RNF217: variants seen among roughly 807,000 people sequenced by gnomAD.
The protein encoded by RNF217 is ring finger protein 217.
RNF217 carries 31 observed loss-of-function variants against 57.8 expected under a neutral mutation model. The observed-to-expected ratio is 0.54, with a 90% CI of 0.40 to 0.72. RNF217 has a LOEUF of 0.72. RNF217 is among the 30% of genes least tolerant of loss of function. The pLI, the probability that RNF217 is intolerant of heterozygous loss-of-function variation, is 0.00. For synonymous variants in RNF217, 313 were observed against 294.0 expected, an observed-to-expected ratio of 1.06 and a Z score of -0.66; for missense variants, 696 against 708.3, an observed-to-expected ratio of 0.98 and a Z score of 0.20.
intron 2 of RNF217, among the ~76,000 whole-genome samples, chr6:125,055,088 G>A (rs568111146): frequency 6.6e-6 from 1 of 152,080 alleles, no homozygotes; most frequent in African/African-American, 2.4e-5. Context: ...AATGAATGAG[G>A]CATCTTCAGA....
At chr6:124,993,217 T>C (rs532682693) in intron 1 of RNF217, among the ~76,000 whole-genome samples, 2 of 152,308 alleles carry the variant, frequency 1.3e-5, no homozygotes, top group African/African-American at 4.8e-5. Flanking sequence ...CCTGAGGTCT[T>C]GCCCCAAGAA....
At chr6:124,985,525 A>G (rs900703020) in intron 1 of RNF217, among the ~76,000 whole-genome samples, 1 of 152,298 alleles carries the variant, frequency 6.6e-6, no homozygotes, top group East Asian at 1.9e-4. Context: ...ATATATTAAT[A>G]AAGTAGAATA....
chr6:125,028,276 A>C (rs1183474675), intron 1 of RNF217, among the ~76,000 whole-genome samples: 1 of 152,134 alleles, frequency 6.6e-6, no homozygotes, highest in Non-Finnish European at 1.5e-5. Context: ...ATGTACTCCC[A>C]ACAATGCACA....
intron 1 of RNF217, among the ~76,000 whole-genome samples, chr6:125,027,776 G>A (rs1421014685): frequency 6.6e-6 from 1 of 152,152 alleles, no homozygotes; most frequent in Non-Finnish European, 1.5e-5. Flanking sequence ...CACCAAAAGT[G>A]TACAAAGGTT....
chr6:124,962,864 T>G lies in RNF217; in HGVS notation c.320T>G (p.Leu107Arg), dbSNP rs757314047. 1 of 1,597,778 alleles carries G rather than the reference T, an allele frequency of 6.3e-7. No homozygotes were observed. The highest frequency in any genetic ancestry group is 8.5e-7 in the Non-Finnish European group (1 of 1,179,576). Reference sequence around the variant, plus strand: ...CAGACCTTGCCACTGCAGTTGGAGCTGGAGGAGGAAGAGGAGGAAGCTGGG... The same window carrying G: ...CAGACCTTGCCACTGCAGTTGGAGCGGGAGGAGGAAGAGGAGGAAGCTGGG... ...NPQTLPLQLE[L>R]EEEEEEAGDR... The change falls in exon 1 of 6, where the codon CTG (leucine) becomes CGG (arginine). Residue 107 changes from leucine to arginine, a missense_variant. Leu to Arg is a moderately radical substitution (Grantham distance 102). Transcript: ENST00000521654. The surrounding 1 kb of genome is among the most constrained non-coding windows in gnomAD (Gnocchi z 4.6).
At chr6:125,079,626 CAAGTTAATACTT>C (rs1197148969) in intron 4 of RNF217, among the ~76,000 whole-genome samples, 5 of 151,990 alleles carry the variant, frequency 3.3e-5, no homozygotes, top group African/African-American at 1.2e-4. Flanking sequence ...AATGTTTTAT[CAAGTTAATACTT>C]AATATTGGAC....
At chr6:125,014,081 C>T (rs539288339) in intron 1 of RNF217, among the ~76,000 whole-genome samples, 1 of 152,296 alleles carries the variant, frequency 6.6e-6, no homozygotes, top group African/African-American at 2.4e-5. Flanking sequence ...CTAGTGTGTA[C>T]ACACATACAG....
intron 1 of RNF217, among the ~76,000 whole-genome samples, chr6:124,988,221 C>T (rs548857621): frequency 6.6e-6 from 1 of 152,148 alleles, no homozygotes; most frequent in Non-Finnish European, 1.5e-5. Context: ...TCACCCCTGA[C>T]CCCCATCCAT....
At chr6:125,002,946 A>T (rs980251335) in intron 1 of RNF217, among the ~76,000 whole-genome samples, 3 of 152,188 alleles carry the variant, frequency 2.0e-5, no homozygotes. Context: ...AGCAACCAGG[A>T]TGCTATGGAG....
intron 1 of RNF217, among the ~76,000 whole-genome samples, chr6:124,965,402 C>T (rs1042169329): frequency 2.4e-4 from 37 of 151,932 alleles, no homozygotes; most frequent in Admixed American, 2.0e-4. Context: ...GGTGAAACCC[C>T]GTCTCTACTA....
chr6:125,055,726 T>C (rs1787495224), intron 2 of RNF217, among the ~76,000 whole-genome samples: 1 of 152,196 alleles, frequency 6.6e-6, no homozygotes, highest in Non-Finnish European at 1.5e-5. Context: ...GACTTAATGT[T>C]AGATGCATAA....
chr6:124,973,718 A>T lies in RNF217; in HGVS notation c.882+10292A>T, dbSNP rs187556299. On this transcript the variant is annotated intron_variant, in intron 1 of 5. Transcript: ENST00000521654. ...GTGAACTACTGTGGCCTGAGTCTTT[A>T]TGCTAGCATCCCATCTATCACTGAG... Among the ~76,000 whole-genome samples, 694 of 151,880 alleles carry T rather than the reference A, an allele frequency of 4.6e-3. 1 individual carries two copies. Among genetic ancestry groups the T allele is most frequent in the Non-Finnish European group, 7.0e-3 (476 of 68,028 alleles).
chr6:125,023,254 C>T (rs181488977), intron 1 of RNF217, among the ~76,000 whole-genome samples: 139 of 152,138 alleles, frequency 9.1e-4, no homozygotes, highest in Non-Finnish European at 1.5e-3. Flanking sequence ...CAAAAGCATG[C>T]GGAGGAGCCC....
intron 1 of RNF217, among the ~76,000 whole-genome samples, chr6:125,015,984 G>A (rs78078717): frequency 0.017 from 2,553 of 152,184 alleles, 75 homozygotes; most frequent in African/African-American, 0.059. Context: ...GCACAATACA[G>A]AGCAGTATGT....
chr6:125,052,816 GT>G (rs1787377557), intron 2 of RNF217, among the ~76,000 whole-genome samples: 1 of 151,886 alleles, frequency 6.6e-6, no homozygotes, highest in Non-Finnish European at 1.5e-5. Context: ...TACCATTTTG[GT>G]TAGTTTCTTT....
At chr6:125,034,530 G>A (rs958259297) in intron 1 of RNF217, among the ~76,000 whole-genome samples, 1 of 151,908 alleles carries the variant, frequency 6.6e-6, no homozygotes, top group African/African-American at 2.4e-5. Flanking sequence ...ATTTCTGAGG[G>A]CTCTGTTCTG....
intron 1 of RNF217, among the ~76,000 whole-genome samples, chr6:124,988,567 G>A (rs956063372): frequency 2.4e-4 from 36 of 152,068 alleles, no homozygotes; most frequent in African/African-American, 7.3e-4. Flanking sequence ...AACCACAACC[G>A]TTAAAAACCC....
chr6:125,014,820 T>C (rs964606393), intron 1 of RNF217, among the ~76,000 whole-genome samples: 1 of 152,172 alleles, frequency 6.6e-6, no homozygotes, highest in African/African-American at 2.4e-5. Context: ...TGTCAAGATA[T>C]CTCTTTTGTA....
At chr6:125,013,967 T>C (rs1785513544) in intron 1 of RNF217, among the ~76,000 whole-genome samples, 1 of 152,240 alleles carries the variant, frequency 6.6e-6, no homozygotes, top group African/African-American at 2.4e-5. Flanking sequence ...CAAGTTATAC[T>C]GTCATCCTGT....
Sources: gnomAD v4.1 joint callset for allele counts (sites outside exome capture counted in the v4.1 genomes callset) on GRCh38, gnomAD v4.1.1 for gene constraint, Gnocchi (gnomAD v3.1) non-coding constraint, MANE v1.5 for transcripts, NCBI Gene and HGNC (gene_info 2026-07-23, HGNC 2026-07-21) for gene names.